Variants in TMEM156 observed in about 807,000 individuals in gnomAD.
The protein encoded by TMEM156 is transmembrane protein 156.
In TMEM156, 28 loss-of-function variants were observed where a neutral mutation model predicts 30.5. The observed-to-expected ratio is 0.92, with a 90% CI of 0.68 to 1.26. The LOEUF (loss-of-function observed/expected upper bound fraction) is 1.26, where lower values mean the gene tolerates loss of function less well. Among genes scored for constraint, TMEM156 ranks in the 50% most tolerant of loss-of-function variants. The probability of loss-of-function intolerance (pLI) is 0.00; values close to 1 mark genes in which losing one functional copy is unlikely to be tolerated. For synonymous variants in TMEM156, 137 were observed against 119.9 expected (o/e 1.14, Z -0.93); for missense variants, 351 against 340.6 (o/e 1.03, Z -0.24).
At chr4:38,982,941 C>A (rs1259017098) in intron 5 of TMEM156, among the ~76,000 whole-genome samples, 1 of 152,134 alleles carries the variant, frequency 6.6e-6, no homozygotes, top group Non-Finnish European at 1.5e-5. Context: ...ATGCAGAAAG[C>A]CAGAAGAGCA....
At chr4:38,976,869 T>C (rs572905662) in intron 5 of TMEM156, among the ~76,000 whole-genome samples, 3 of 149,854 alleles carry the variant, frequency 2.0e-5, no homozygotes, top group Non-Finnish European at 4.4e-5. Flanking sequence ...TAACCCACAA[T>C]TTAACATTTG....
At chr4:38,981,062 T>C (rs1311060216) in intron 5 of TMEM156, 1 of 429,928 alleles carries the variant, frequency 2.3e-6, no homozygotes, top group Non-Finnish European at 3.1e-6. Context: ...TAACCTTTCC[T>C]GTTTTATGAA....
intron 1 of TMEM156, among the ~76,000 whole-genome samples, chr4:39,006,458 T>C (rs1272768220): frequency 6.6e-6 from 1 of 152,180 alleles, no homozygotes; most frequent in African/African-American, 2.4e-5. Flanking sequence ...TTTTTTTTGA[T>C]CTTTCAGTTA....
At chr4:38,969,401 A>C (rs893004392) in intron 6 of TMEM156, among the ~76,000 whole-genome samples, 4 of 152,208 alleles carry the variant, frequency 2.6e-5, no homozygotes, top group Admixed American at 6.5e-5. Context: ...AAGTTGCTGC[A>C]TATGGCACGA....
At chr4:39,002,949 G>A (rs1030367358) in intron 1 of TMEM156, among the ~76,000 whole-genome samples, 4 of 151,810 alleles carry the variant, frequency 2.6e-5, no homozygotes, top group African/African-American at 9.7e-5. Context: ...CGAGTTAGTG[G>A]GTGCAGCGCA....
intron 1 of TMEM156, among the ~76,000 whole-genome samples, chr4:39,017,595 C>G (rs1714587585): frequency 6.6e-6 from 1 of 152,138 alleles, no homozygotes; most frequent in Admixed American, 6.5e-5. Context: ...GTCTATATTC[C>G]TATTCTTCAC....
chr4:38,974,400 A>G (rs1217300402), intron 5 of TMEM156, among the ~76,000 whole-genome samples: 1 of 151,834 alleles, frequency 6.6e-6, no homozygotes. Context: ...TCTTTCTTGG[A>G]TTTGAATATT....
intron 1 of TMEM156, among the ~76,000 whole-genome samples, chr4:39,006,506 T>C (rs946429969): frequency 2.0e-5 from 3 of 152,182 alleles, no homozygotes; most frequent in African/African-American, 7.2e-5. Context: ...TCAACCACTT[T>C]CTTTCTAATT....
intron 6 of TMEM156, among the ~76,000 whole-genome samples, chr4:38,968,003 C>A (rs1015157383): frequency 6.6e-6 from 1 of 152,220 alleles, no homozygotes; most frequent in Non-Finnish European, 1.5e-5. Flanking sequence ...TTCCTACCAG[C>A]AGTGTATAAG....
At chr4:39,014,757 CAAAA>C (rs34040774) in intron 1 of TMEM156, among the ~76,000 whole-genome samples, 5 of 125,312 alleles carry the variant, frequency 4.0e-5, no homozygotes, top group Admixed American at 8.2e-5. Flanking sequence ...GACTCCATCT[CAAAA>C]AAAAAAAAAA....
At chr4:38,985,052 T>G (rs1711881076) in intron 5 of TMEM156, among the ~76,000 whole-genome samples, 1 of 152,140 alleles carries the variant, frequency 6.6e-6, no homozygotes, top group African/African-American at 2.4e-5. Flanking sequence ...AATTACGACT[T>G]GAAAACAGAA....
intron 1 of TMEM156, among the ~76,000 whole-genome samples, chr4:39,005,379 TAA>T (rs989296783): frequency 1.3e-5 from 2 of 152,202 alleles, no homozygotes; most frequent in African/African-American, 4.8e-5. Context: ...GATGGTTTTA[TAA>T]GAGCCTCTTC....
chr4:39,006,407 T>A lies in TMEM156; in HGVS notation c.89-7498A>T, dbSNP rs188269814. On this transcript the variant is annotated intron_variant, in intron 1 of 6. Coordinates refer to ENST00000381938, the MANE Select transcript of TMEM156 (RefSeq NM_024943.3). ...TTAAAATTTCAATGAATTCTCTACATTTTTTATCAGGATATCTTCTCACAG... is the reference window on the plus strand; with the variant it reads ...TTAAAATTTCAATGAATTCTCTACAATTTTTATCAGGATATCTTCTCACAG... 1.8e-4 allele frequency among the ~76,000 whole-genome samples: 28 copies of A among 152,290 alleles called. No individual in the cohort carries two copies. The East Asian group carries it at 4.6e-3, about 25-fold the overall frequency.
rs940699916 is a variant in TMEM156 at position 38,993,635 on chromosome 4, A to T, written c.619+103T>A. The T allele has an allele frequency of 1.3e-5, 12 of 915,242 alleles. No homozygotes were observed. The African/African-American group carries it at 1.7e-4, about 13-fold the overall frequency. The allele number at this position is 915,242 out of a possible 1,614,324, so 56.7% of individuals were successfully genotyped here. The stretch of plus-strand genomic sequence containing the variant: ...CAGGCTATATTATTTCATCAGTAAA[A>T]TTCTTCAGCTATTTGGCTTTCAGTT... On this transcript the variant is annotated intron_variant, in intron 3 of 6. Transcript: ENST00000381938.
intron 2 of TMEM156, among the ~76,000 whole-genome samples, chr4:38,994,827 A>G (rs1021450184): frequency 2.0e-5 from 3 of 152,086 alleles, no homozygotes; most frequent in Non-Finnish European, 4.4e-5. Flanking sequence ...GTGTGCCTGC[A>G]GGTGTAGCTA....
intron 5 of TMEM156, among the ~76,000 whole-genome samples, chr4:38,974,490 T>C (rs1247866038): frequency 9.9e-5 from 15 of 152,192 alleles, no homozygotes; most frequent in Admixed American, 5.2e-4. Context: ...GAAATACCTA[T>C]GTCTTAGAGA....
At chr4:38,995,876 C>T (rs1371979362) in intron 2 of TMEM156, among the ~76,000 whole-genome samples, 18 of 152,168 alleles carry the variant, frequency 1.2e-4, no homozygotes. Context: ...ATACTGGAGC[C>T]TTGAACCACT....
chr4:38,998,895 G>T lies in TMEM156; in HGVS notation c.103C>A (p.Leu35Ile). Residue 35 changes from leucine (L) to isoleucine (I), a missense_variant, in exon 2 of 7, where the codon CTA becomes ATA. By Grantham distance (5) the Leu-to-Ile change is conservative. Coordinates refer to ENST00000381938, the MANE Select transcript of TMEM156 (RefSeq NM_024943.3). ...FKTPKERTLE[L>I]SCLEVCLQSN... ...TGCAAACACACTTCCAGACATGATA[G>T]CTCCAATGTTCTTTCTGTAAAGAAA... 6.2e-7 allele frequency: 1 copy of T among 1,609,452 alleles called. No individual in the cohort carries two copies. The highest frequency in any genetic ancestry group is 1.3e-5 in the African/African-American group (1 of 74,708).
At chr4:39,016,796 T>G (rs1388063707) in intron 1 of TMEM156, among the ~76,000 whole-genome samples, 2 of 152,212 alleles carry the variant, frequency 1.3e-5, no homozygotes, top group African/African-American at 2.4e-5. Context: ...TTTTATAGTC[T>G]GGTATTGTAT....
Sources: gnomAD v4.1 joint callset for allele counts (sites outside exome capture counted in the v4.1 genomes callset) on GRCh38, gnomAD v4.1.1 for gene constraint, MANE v1.5 for transcripts, NCBI Gene and HGNC (gene_info 2026-07-23, HGNC 2026-07-21) for gene names.